Variants in PRKDC observed in about 807,000 individuals in gnomAD.
The protein encoded by PRKDC is DNA-dependent protein kinase catalytic subunit.
A neutral mutation model predicts 486.9 loss-of-function variants in PRKDC; 82 were observed. The observed-to-expected ratio is 0.17, with a 90% confidence interval of 0.14 to 0.20. The LOEUF (loss-of-function observed/expected upper bound fraction) is 0.20. Among genes scored for constraint, PRKDC ranks in the 10% least tolerant of loss-of-function variants. PRKDC has a pLI of 1.00. For synonymous variants in PRKDC, 1,895 were observed against 1,837.0 expected, an observed-to-expected ratio of 1.03 and a Z score of -0.81; for missense variants, 4,504 against 5,038.2, an observed-to-expected ratio of 0.89 and a Z score of 3.21.
chr8:47,891,067 G>A (rs1036058808), intron 31 of PRKDC, among the ~76,000 whole-genome samples: 5 of 152,124 alleles, frequency 3.3e-5, no homozygotes, highest in East Asian at 1.9e-4. Context: ...CATAAAACTC[G>A]TTTGTCTGAA....
In PRKDC at chr8:47,803,492, C is replaced by T. The variant is rs2087152466; in HGVS notation, c.9748-12G>A. Reference sequence around the variant, plus strand: ...AGTGAGAAATTGTTCTGTATGAATACAATAAAAAGAGAGAAGGTGGTATGA... The same window carrying T: ...AGTGAGAAATTGTTCTGTATGAATATAATAAAAAGAGAGAAGGTGGTATGA... On this transcript the variant is annotated splice_polypyrimidine_tract_variant and intron_variant, in intron 69 of 85. Coordinates refer to ENST00000314191, the MANE Select transcript of PRKDC (RefSeq NM_006904.7). 1 of 1,613,130 alleles carries T rather than the reference C, an allele frequency of 6.2e-7. No individual in the cohort carries two copies. Among genetic ancestry groups the T allele is most frequent in the Middle Eastern group, 1.7e-4 (1 of 6,030 alleles).
At chr8:47,863,654 T>C in intron 41 of PRKDC, 77 bp from the exon 42 acceptor site, 1 of 1,229,462 alleles carries the variant, frequency 8.1e-7, no homozygotes. Flanking sequence ...TCAAATTTAA[T>C]ACTTAATATC....
intron 4 of PRKDC, among the ~76,000 whole-genome samples, chr8:47,955,274 A>G (rs2090682869): frequency 6.6e-6 from 1 of 151,654 alleles, no homozygotes; most frequent in African/African-American, 2.4e-5. Flanking sequence ...CATCCCGGCT[A>G]AAACGGTGAA....
chr8:47,928,768 C>G (rs1323972773), intron 19 of PRKDC, among the ~76,000 whole-genome samples: 1 of 152,120 alleles, frequency 6.6e-6, no homozygotes, highest in African/African-American at 2.4e-5. Flanking sequence ...ACTGCAACTT[C>G]TGCCTCCAGG....
intron 80 of PRKDC, among the ~76,000 whole-genome samples, chr8:47,780,900 T>G (rs2086688790): frequency 6.6e-6 from 1 of 151,554 alleles, no homozygotes; most frequent in African/African-American, 2.4e-5. Context: ...ATCACGCCAC[T>G]GCACTCCAGC....
intron 22 of PRKDC, among the ~76,000 whole-genome samples, chr8:47,917,854 T>C (rs547767994): frequency 3.3e-5 from 5 of 152,170 alleles, no homozygotes; most frequent in South Asian, 2.1e-4. Context: ...GCTAAAAATA[T>C]ATTAATTTTT....
chr8:47,886,854 AT>A (rs1257352647), intron 35 of PRKDC, among the ~76,000 whole-genome samples: 2 of 151,966 alleles, frequency 1.3e-5, no homozygotes, highest in African/African-American at 2.4e-5. Context: ...TACCTGGCTA[AT>A]TTTTTAAATT....
intron 69 of PRKDC, chr8:47,805,252 C>G (rs1323756731): frequency 6.6e-6 from 1 of 152,202 alleles, no homozygotes. Flanking sequence ...TTCCCACCAG[C>G]AGTGCAGAAG....
chr8:47,876,890 A>G (rs2089102649), intron 40 of PRKDC, among the ~76,000 whole-genome samples: 1 of 152,170 alleles, frequency 6.6e-6, no homozygotes, highest in Admixed American at 6.5e-5. Context: ...GAGCTAAACC[A>G]TGAGGAAAAT....
Position 47,885,954 on chromosome 8 carries a change from T to C in PRKDC, c.4766A>G (p.Asn1589Ser). ...GGGAAACTTTGTTACCATTTTGGTA[T>C]TATCCACTGAAGACTGCATGAGCTC... ...VLELMQSSVD[N>S]TKMVSAVLNG... The change falls in exon 36 of 86, where the codon AAT (asparagine) becomes AGT (serine). Residue 1589 changes from asparagine to serine, a missense_variant. Transcript: ENST00000314191. The C allele has an allele frequency of 1.9e-6, 3 of 1,612,492 alleles. No individual in the cohort carries two copies. The highest frequency in any genetic ancestry group is 2.5e-6 in the Non-Finnish European group (3 of 1,178,850).
intron 70 of PRKDC, among the ~76,000 whole-genome samples, chr8:47,802,366 C>T (rs1228849473): frequency 1.3e-5 from 2 of 152,168 alleles, no homozygotes; most frequent in Non-Finnish European, 2.9e-5. Flanking sequence ...AGAATGCTAG[C>T]ACACACCCTC....
At position 47,782,699 on chromosome 8, in the gene PRKDC, C is replaced by G; in HGVS notation, c.11176-101G>C. On this transcript the variant is annotated intron_variant, in intron 78 of 85. Coordinates refer to ENST00000314191, the MANE Select transcript of PRKDC (RefSeq NM_006904.7). This position sits in a 1 kb window ranked among gnomAD's most constrained non-coding sequence, Gnocchi z 4.9. ...GTGAGCATTCCTCCGTGGGGCCGCCCTCTGAAGACAGTGCCAAAGAGCAGA... is the reference window on the plus strand; with the variant it reads ...GTGAGCATTCCTCCGTGGGGCCGCCGTCTGAAGACAGTGCCAAAGAGCAGA... 1.5e-6 allele frequency: 2 copies of G among 1,316,388 alleles called. No homozygotes were observed. Among genetic ancestry groups the G allele is most frequent in the Non-Finnish European group, 2.1e-6 (2 of 962,880 alleles). 81.5% of individuals were successfully genotyped at this position (1,316,388 alleles called of 1,614,324 possible). A position where few individuals can be genotyped will look rare whatever the true frequency, so the allele number is the denominator to read the frequency against.
rs763303303 is a variant in PRKDC, at chr8:47,778,605, G to A, written c.11707C>T (p.His3903Tyr). Residue 3903 changes from histidine to tyrosine, a missense_variant, in exon 83 of 86, where the codon CAC (histidine) becomes TAC (tyrosine). His to Tyr is a moderately conservative substitution (Grantham distance 83, BLOSUM62 2). Coordinates refer to ENST00000314191, the MANE Select transcript of PRKDC (RefSeq NM_006904.7). ...SPEAFLALRS[H>Y]FASSHALICI... Reference sequence around the variant, plus strand: ...ATCAGAGCGTGAGAGCTGGCGAAGTGGGAGCGGAGCGCCAGGAAAGCCTCA... The same window carrying A: ...ATCAGAGCGTGAGAGCTGGCGAAGTAGGAGCGGAGCGCCAGGAAAGCCTCA... 2 of 1,613,768 alleles carry A rather than the reference G, an allele frequency of 1.2e-6. No homozygotes were observed. The highest frequency in any genetic ancestry group is 1.7e-5 in the Admixed American group (1 of 59,978).
At position 47,790,917 on chromosome 8, in the gene PRKDC, T is replaced by C. The variant is rs138169756; in HGVS notation, c.10671-1679A>G. 1.8e-4 allele frequency among the ~76,000 whole-genome samples: 28 copies of C among 152,218 alleles called. No individual in the cohort carries two copies. The East Asian group carries it at 5.0e-3, about 27-fold the overall frequency. On this transcript the variant is annotated intron_variant, in intron 74 of 85. Transcript: ENST00000314191. ...ACCACATACAAAAATCAAATCCAAA[T>C]AGATTAAAGACTTAAACCTAAGATC...
rs759269272 is a variant in PRKDC at position 47,897,276 on chromosome 8, T to G, written c.3483A>C (p.Ala1161=). The change falls in exon 30 of 86, where the codon GCA becomes GCC. Residue 1161 remains alanine (A), a synonymous_variant. Coordinates refer to ENST00000314191, the MANE Select transcript of PRKDC (RefSeq NM_006904.7). ...TGACCAGATCCAATAAACACAATGA[T>G]GCGGAAGGTGGAAATCCTCTGCACA... ...RRLPRGFPPS[A]SLCLLDLVKW... The G allele has an allele frequency of 6.3e-7, 1 of 1,596,350 alleles. No homozygotes were observed. Among genetic ancestry groups the G allele is most frequent in the African/African-American group, 1.3e-5 (1 of 74,754 alleles).
At chr8:47,949,493 A>G (rs918617348) in intron 7 of PRKDC, among the ~76,000 whole-genome samples, 4 of 152,250 alleles carry the variant, frequency 2.6e-5, no homozygotes, top group African/African-American at 9.6e-5. Context: ...ACTAAGTGCT[A>G]CTATTTTCCT....
chr8:47,878,279 G>A lies in PRKDC; in HGVS notation c.5236-428C>T, dbSNP rs574017419. 5.9e-5 allele frequency among the ~76,000 whole-genome samples: 9 copies of A among 152,108 alleles called. No individual in the cohort carries two copies. In the South Asian group the frequency reaches 1.9e-3, roughly 32 times the overall value. On this transcript the variant is annotated intron_variant, in intron 39 of 85. Coordinates refer to ENST00000314191, the MANE Select transcript of PRKDC (RefSeq NM_006904.7). ...CGCCACCACGCCTGGCTAATTGTTT[G>A]TATTTTTAGTAGAGACGGGGTTTCA...
chr8:47,801,023 G>A, intron 70 of PRKDC, 37 bp from the exon 71 acceptor site: 1 of 1,558,164 alleles, frequency 6.4e-7, no homozygotes, highest in Non-Finnish European at 8.8e-7. Context: ...ACAAAATTTT[G>A]TATGTGTGTG....
chr8:47,827,546 C>A (rs774479939), intron 62 of PRKDC, among the ~76,000 whole-genome samples: 8 of 152,198 alleles, frequency 5.3e-5, no homozygotes, highest in Admixed American at 1.3e-4. Flanking sequence ...TTGGAAAGGA[C>A]TTCTCTGACC....
Sources: gnomAD v4.1 joint callset for allele counts (sites outside exome capture counted in the v4.1 genomes callset) on GRCh38, gnomAD v4.1.1 for gene constraint, Gnocchi (gnomAD v3.1) non-coding constraint, MANE v1.5 for transcripts, NCBI Gene and HGNC (gene_info 2026-07-23, HGNC 2026-07-21) for gene names.